The following TMEM114 variants were observed in gnomAD, a reference collection of about 807,000 sequenced individuals.
TMEM114 encodes transmembrane protein 114, also known as claudin-26.
In TMEM114, 6 loss-of-function variants were observed where a neutral mutation model predicts 6.2. That is an observed-to-expected ratio of 0.97 (90% CI 0.53 to 1.91). The LOEUF (loss-of-function observed/expected upper bound fraction) is 1.91, where lower values mean the gene tolerates loss of function less well. Among genes scored for constraint, TMEM114 ranks in the 40% most tolerant of loss-of-function variants. The pLI, the probability that TMEM114 is intolerant of heterozygous loss-of-function variation, is 0.01. For missense variants in TMEM114, 218 were observed against 158.3 expected (o/e 1.38, Z -2.02); for synonymous variants, 104 against 73.0 (o/e 1.42, Z -2.16).
intron 3 of TMEM114, 74 bp downstream of exon 3, chr16:8,572,013 G>A (rs1024285198): frequency 7.0e-7 from 1 of 1,425,660 alleles, no homozygotes; most frequent in Non-Finnish European, 9.2e-7. Flanking sequence ...CTCGTTTGCT[G>A]AGGGTTCATA....
chr16:8,568,716 T>C (rs976078864), downstream of TMEM114, among the ~76,000 whole-genome samples: 1 of 152,184 alleles, frequency 6.6e-6, no homozygotes, highest in Non-Finnish European at 1.5e-5. Context: ...CCCCTACATC[T>C]CATGACTTGG....
chr16:8,561,062 A>G (rs1202025560), intron 2 of TMEM114, among the ~76,000 whole-genome samples: 1 of 152,208 alleles, frequency 6.6e-6, no homozygotes, highest in Non-Finnish European at 1.5e-5. Flanking sequence ...CCACGAGAAC[A>G]GTATGGGGGA....
At chr16:8,535,628 A>T (rs1900333138), downstream of TMEM114, among the ~76,000 whole-genome samples, 1 of 152,208 alleles carries the variant, frequency 6.6e-6, no homozygotes, top group African/African-American at 2.4e-5. Context: ...AGGATTTCCA[A>T]ACTGTAGGCA....
intron 2 of TMEM114, 178 bp from the exon 3 acceptor site, chr16:8,572,402 G>A: frequency 1.4e-6 from 1 of 701,926 alleles, no homozygotes; most frequent in Non-Finnish European, 2.4e-6. Context: ...AGTGGTTGAG[G>A]CTCATCTCGT....
downstream of TMEM114, among the ~76,000 whole-genome samples, chr16:8,536,032 C>T (rs1333657894): frequency 2.6e-5 from 4 of 152,124 alleles, no homozygotes; most frequent in Admixed American, 6.6e-5. Context: ...TGGAGACCAG[C>T]CTGTCCAACG....
intron 2 of TMEM114, among the ~76,000 whole-genome samples, chr16:8,561,853 TG>T (rs1244144937): frequency 7.5e-5 from 2 of 26,784 alleles, no homozygotes; most frequent in East Asian, 5.3e-3. Flanking sequence ...AGTGAATGAA[TG>T]AGTGAGTGAG....
intron 2 of TMEM114, among the ~76,000 whole-genome samples, chr16:8,554,999 CAGA>C (rs1402272858): frequency 6.6e-6 from 1 of 152,208 alleles, no homozygotes; most frequent in Non-Finnish European, 1.5e-5. Flanking sequence ...GGCTGGAAGT[CAGA>C]AGGTGAGGCA....
chr16:8,563,957 G>A (rs1028614770), intron 2 of TMEM114, among the ~76,000 whole-genome samples: 1 of 143,906 alleles, frequency 6.9e-6, no homozygotes, highest in Middle Eastern at 3.5e-3. Context: ...AAATGAGTGA[G>A]TGAATGAGTG....
downstream of TMEM114, among the ~76,000 whole-genome samples, chr16:8,536,321 T>C (rs1221944965): frequency 6.6e-6 from 1 of 152,196 alleles, no homozygotes; most frequent in Non-Finnish European, 1.5e-5. Context: ...CCCAGGTACT[T>C]GCATGTTTTG....
At chr16:8,570,475 A>G (rs957159904) in intron 3 of TMEM114, among the ~76,000 whole-genome samples, 6 of 151,998 alleles carry the variant, frequency 3.9e-5, no homozygotes, top group Non-Finnish European at 8.8e-5. Context: ...GGGAATACAG[A>G]TGCCCGCCAC....
intron 2 of TMEM114, among the ~76,000 whole-genome samples, chr16:8,561,657 G>A (rs1218425485): frequency 6.6e-6 from 1 of 152,216 alleles, no homozygotes; most frequent in Non-Finnish European, 1.5e-5. Flanking sequence ...GAGTGAATAA[G>A]TGAATGAATG....
At chr16:8,587,845 G>A (rs1902362096) in intron 2 of TMEM114, among the ~76,000 whole-genome samples, 1 of 149,508 alleles carries the variant, frequency 6.7e-6, no homozygotes, top group Admixed American at 6.6e-5. Context: ...CCTGTCTCTG[G>A]GTAGGGTTGA....
intron 2 of TMEM114, among the ~76,000 whole-genome samples, chr16:8,583,836 C>T (rs765363593): frequency 6.6e-6 from 1 of 152,168 alleles, no homozygotes; most frequent in African/African-American, 2.4e-5. Flanking sequence ...TGCCCCTACA[C>T]CTGATGACAG....
downstream of TMEM114, among the ~76,000 whole-genome samples, chr16:8,566,428 T>A (rs1248079280): frequency 1.4e-5 from 2 of 145,136 alleles, no homozygotes; most frequent in East Asian, 2.0e-4. Context: ...GAATGATGGA[T>A]CAGAATAGAA....
downstream of TMEM114, among the ~76,000 whole-genome samples, chr16:8,536,101 T>C (rs1169437225): frequency 6.6e-6 from 1 of 151,938 alleles, no homozygotes; most frequent in African/African-American, 2.4e-5. Context: ...GACGTGCACC[T>C]GTAATCCCAG....
chr16:8,536,992 G>C (rs567263159), downstream of TMEM114, among the ~76,000 whole-genome samples: 21 of 152,166 alleles, frequency 1.4e-4, no homozygotes, highest in Admixed American at 7.2e-4. Context: ...GATCATTTGA[G>C]CCCAGGAGTT....
chr16:8,576,140 C>A (rs755377463), intron 2 of TMEM114, among the ~76,000 whole-genome samples: 1 of 152,230 alleles, frequency 6.6e-6, no homozygotes, highest in African/African-American at 2.4e-5. Flanking sequence ...TAAACAAGGT[C>A]TCTGTGCCAC....
At chr16:8,532,647 A>C (rs1900251900), downstream of TMEM114, among the ~76,000 whole-genome samples, 1 of 152,254 alleles carries the variant, frequency 6.6e-6, no homozygotes, top group Non-Finnish European at 1.5e-5. Flanking sequence ...CATTCAGGCC[A>C]GGCACAGTGG....
intron 2 of TMEM114, among the ~76,000 whole-genome samples, chr16:8,550,787 TC>T (rs1024951347): frequency 1.3e-5 from 2 of 151,166 alleles, no homozygotes; most frequent in Non-Finnish European, 2.9e-5. Flanking sequence ...TCCTGCCCAC[TC>T]CCATATCCAC....
Sources: gnomAD v4.1 joint callset for allele counts (sites outside exome capture counted in the v4.1 genomes callset) on GRCh38, gnomAD v4.1.1 for gene constraint, MANE v1.5 for transcripts, NCBI Gene and HGNC (gene_info 2026-07-23, HGNC 2026-07-21) for gene names.